CRYL1: variants seen among roughly 807,000 people sequenced by gnomAD.
CRYL1 encodes crystallin lambda 1, also known as lambda-crystallin homolog.
In CRYL1, 29 loss-of-function variants were observed where a neutral mutation model predicts 36.6. The observed-to-expected ratio is 0.79, with a 90% CI of 0.59 to 1.08. CRYL1 has a LOEUF of 1.08. Among genes scored for constraint, CRYL1 ranks in the 50% least tolerant of loss-of-function variants. CRYL1 has a pLI of 0.00. For missense variants in CRYL1, 411 were observed against 407.9 expected (o/e 1.01, Z -0.06); for synonymous variants, 152 against 151.5 (o/e 1.00, Z -0.02).
chr13:20,482,591 C>A (rs967156658), intron 3 of CRYL1, among the ~76,000 whole-genome samples: 1 of 152,362 alleles, frequency 6.6e-6, no homozygotes, highest in Admixed American at 6.5e-5. Context: ...TATTAGGAAA[C>A]GTCCTGACCC....
intron 2 of CRYL1, among the ~76,000 whole-genome samples, chr13:20,509,799 A>T (rs7322760): frequency 1.3e-5 from 2 of 151,950 alleles, no homozygotes; most frequent in African/African-American, 4.8e-5. Flanking sequence ...GCGTAGTGGC[A>T]GTCGCCTGTA....
intron 3 of CRYL1, among the ~76,000 whole-genome samples, chr13:20,453,478 C>T (rs2032616229): frequency 2.2e-5 from 2 of 91,750 alleles, no homozygotes; most frequent in South Asian, 5.7e-4. Flanking sequence ...AATGAAAACA[C>T]AATATATTAA....
chr13:20,507,799 C>T (rs571228978), intron 2 of CRYL1, among the ~76,000 whole-genome samples: 272 of 151,050 alleles, frequency 1.8e-3, no homozygotes, highest in African/African-American at 5.2e-3. Context: ...GCACCTGTAG[C>T]CCCAGCTACT....
chr13:20,444,464 C>T (rs144792890), intron 3 of CRYL1, among the ~76,000 whole-genome samples: 2,532 of 152,250 alleles, frequency 0.017, 30 homozygotes, highest in Non-Finnish European at 0.03. Context: ...AAAGAGCAGT[C>T]CTTTCTCCAG....
rs184613525 is a variant in CRYL1 at position 20,490,307 on chromosome 13, G to A, written c.150-811C>T. 1.6e-4 allele frequency among the ~76,000 whole-genome samples: 25 copies of A among 152,238 alleles called. No homozygotes were observed. In the East Asian group the frequency reaches 2.5e-3, roughly 15 times the overall value. ...CTCAGGAGGCTGAGGCAGGAGAATC[G>A]CTTGAACCCAGGAGGCAGATGTTGC... On this transcript the variant is annotated intron_variant, in intron 2 of 7. Transcript: ENST00000298248.
chr13:20,410,555 T>TAAATA (rs2031492653), intron 6 of CRYL1, among the ~76,000 whole-genome samples: 1 of 152,036 alleles, frequency 6.6e-6, no homozygotes, highest in African/African-American at 2.4e-5. Context: ...AATAAATAAA[T>TAAATA]AAAATCCTAA....
intron 3 of CRYL1, among the ~76,000 whole-genome samples, chr13:20,449,166 T>C (rs1163361094): frequency 6.6e-6 from 1 of 152,174 alleles, no homozygotes; most frequent in Non-Finnish European, 1.5e-5. Flanking sequence ...AGACTCACAC[T>C]AGAAATGAAA....
At chr13:20,497,279 ACACCAC>A (rs2033622020) in intron 2 of CRYL1, among the ~76,000 whole-genome samples, 1 of 150,590 alleles carries the variant, frequency 6.6e-6, no homozygotes, top group East Asian at 1.9e-4. Flanking sequence ...AACTACACAC[ACACCAC>A]CATACACACA....
In CRYL1 at chr13:20,403,897, G is replaced by A. The variant is rs2031291358; in HGVS notation, c.*232C>T. The A allele has an allele frequency of 2.7e-6, 1 of 375,742 alleles. No individual in the cohort carries two copies. The highest frequency in any genetic ancestry group is 4.7e-6 in the Non-Finnish European group (1 of 210,570). The allele number at this position is 375,742 out of a possible 1,614,324, so 23.3% of individuals were successfully genotyped here. A position where few individuals can be genotyped will look rare whatever the true frequency, so the allele number is the denominator to read the frequency against. On this transcript the variant is annotated 3_prime_UTR_variant, in exon 8 of 8. Coordinates refer to ENST00000298248, the MANE Select transcript of CRYL1 (RefSeq NM_015974.3). ...CTCCAGGTTATCTGCCCAGGTGGCA[G>A]GAAATCGACAGCCCCGAGAACGCAA...
chr13:20,456,758 C>T (rs866040224), intron 3 of CRYL1, among the ~76,000 whole-genome samples: 1 of 152,116 alleles, frequency 6.6e-6, no homozygotes, highest in South Asian at 2.1e-4. Context: ...ACCTGCCCAC[C>T]CCCCACTCTT....
At chr13:20,466,952 C>T (rs1487662387) in intron 3 of CRYL1, among the ~76,000 whole-genome samples, 1 of 147,494 alleles carries the variant, frequency 6.8e-6, no homozygotes, top group Non-Finnish European at 1.5e-5. Context: ...CACAATATAA[C>T]TTTTTTTTTT....
Position 20,481,297 on chromosome 13 carries a change from G to A in CRYL1, c.276+8073C>T, listed in dbSNP as rs939940616. Among the ~76,000 whole-genome samples, 3 of 152,166 alleles carry A rather than the reference G, an allele frequency of 2.0e-5. No homozygotes were observed. Among genetic ancestry groups the A allele is most frequent in the Non-Finnish European group, 4.4e-5 (3 of 68,036 alleles). On this transcript the variant is annotated intron_variant, in intron 3 of 7. Coordinates refer to ENST00000298248, the MANE Select transcript of CRYL1 (RefSeq NM_015974.3). The surrounding 1 kb of genome is among the most constrained non-coding windows in gnomAD (Gnocchi z 4.1). The stretch of plus-strand genomic sequence containing the variant: ...CAATCAACACAACCACACAAGCCAC[G>A]TCAAATTCATTTTACTCTGTGAAAG...
intron 2 of CRYL1, among the ~76,000 whole-genome samples, chr13:20,509,880 A>G (rs1395678545): frequency 1.3e-5 from 2 of 152,238 alleles, no homozygotes; most frequent in African/African-American, 2.4e-5. Context: ...CAGTGAGCCG[A>G]GATCGTGCCA....
intron 4 of CRYL1, 126 bp downstream of exon 4, chr13:20,439,467 T>A: frequency 1.3e-6 from 1 of 784,684 alleles, no homozygotes. Flanking sequence ...ATAAAGCCGT[T>A]TAAAAGACTA....
chr13:20,460,603 G>A (rs934570454), intron 3 of CRYL1, among the ~76,000 whole-genome samples: 3 of 129,946 alleles, frequency 2.3e-5, no homozygotes, highest in Non-Finnish European at 1.6e-5. Context: ...TCGGCTCACT[G>A]CAAGCTCCGC....
chr13:20,470,783 G>A (rs557903970), intron 3 of CRYL1, among the ~76,000 whole-genome samples: 102 of 151,812 alleles, frequency 6.7e-4, no homozygotes, highest in Non-Finnish European at 1.4e-3. Flanking sequence ...AGTGGCAGGC[G>A]CCTGTAATCC....
Position 20,411,715 on chromosome 13 carries a change from C to T in CRYL1, c.739+1567G>A, listed in dbSNP as rs147325459. Among the ~76,000 whole-genome samples, 7 of 152,226 alleles carry T rather than the reference C, an allele frequency of 4.6e-5. No individual in the cohort carries two copies. The East Asian group carries it at 1.4e-3, about 29-fold the overall frequency. ...AAACTCTTGTTTCACTGCATGAGGCCATCTTTCTCTACATTATCTTCTTCT... is the reference window on the plus strand; with the variant it reads ...AAACTCTTGTTTCACTGCATGAGGCTATCTTTCTCTACATTATCTTCTTCT... On this transcript the variant is annotated intron_variant, in intron 6 of 7. Coordinates refer to ENST00000298248, the MANE Select transcript of CRYL1 (RefSeq NM_015974.3).
chr13:20,479,065 T>A (rs568438259), intron 3 of CRYL1, among the ~76,000 whole-genome samples: 1 of 152,068 alleles, frequency 6.6e-6, no homozygotes, highest in Non-Finnish European at 1.5e-5. Context: ...GGATTACAGG[T>A]GTGAGCCACC....
At chr13:20,460,275 A>ATAT (rs2032780312) in intron 3 of CRYL1, among the ~76,000 whole-genome samples, 1 of 152,220 alleles carries the variant, frequency 6.6e-6, no homozygotes, top group African/African-American at 2.4e-5. Context: ...GTATATACAT[A>ATAT]GATATAAATG....
Sources: allele counts gnomAD v4.1 joint callset (sites outside exome capture counted in the v4.1 genomes callset), GRCh38; gene constraint gnomAD v4.1.1; non-coding constraint Gnocchi (gnomAD v3.1); transcripts MANE v1.5; gene names NCBI Gene and HGNC (gene_info 2026-07-23, HGNC 2026-07-21).